ALG14: variants seen among roughly 807,000 people sequenced by gnomAD.
ALG14 encodes ALG14 UDP-N-acetylglucosaminyltransferase subunit, also known as UDP-N-acetylglucosamine transferase subunit ALG14.
A neutral mutation model predicts 22.8 loss-of-function variants in ALG14; 17 were observed. That is an observed-to-expected ratio of 0.75 (90% CI 0.51 to 1.12). The LOEUF is 1.12. ALG14 is among the 50% of genes most tolerant of loss of function. ALG14 has a pLI of 0.00. For missense variants in ALG14, 288 were observed against 271.8 expected (o/e 1.06, Z -0.42); for synonymous variants, 89 against 103.7 (o/e 0.86, Z 0.86).
In ALG14 at chr1:94,983,020, A is replaced by G. The variant is rs552681984; in HGVS notation, c.*56T>C. 3.9e-5 allele frequency: 57 copies of G among 1,479,510 alleles called. No homozygotes were observed. The African/African-American group carries it at 4.5e-4, about 12-fold the overall frequency. 91.6% of individuals were successfully genotyped at this position (1,479,510 alleles called of 1,614,324 possible). ...AACATGTAGGGTTTTTTTCCCCCCA[A>G]TTTGAGTACATACTACTGTTAACTG... is the stretch of plus-strand genomic sequence containing the variant. On this transcript the variant is annotated 3_prime_UTR_variant, in exon 4 of 4. Transcript: ENST00000370205.
At chr1:95,003,355 A>C (rs1673116773) in intron 3 of ALG14, among the ~76,000 whole-genome samples, 1 of 152,186 alleles carries the variant, frequency 6.6e-6, no homozygotes, top group African/African-American at 2.4e-5. Context: ...AGTCCAAAAC[A>C]CAGGGGTTTG....
chr1:95,013,742 C>T (rs1204964888), intron 3 of ALG14, among the ~76,000 whole-genome samples: 1 of 152,100 alleles, frequency 6.6e-6, no homozygotes, highest in Non-Finnish European at 1.5e-5. Flanking sequence ...AGAGGTCAAA[C>T]AATTACTTCA....
At chr1:95,013,085 G>A (rs532185299) in intron 3 of ALG14, among the ~76,000 whole-genome samples, 2 of 150,010 alleles carry the variant, frequency 1.3e-5, no homozygotes, top group South Asian at 2.1e-4. Context: ...GCAGTGAGCC[G>A]AGATTGTGCC....
intron 3 of ALG14, among the ~76,000 whole-genome samples, chr1:95,004,602 C>T (rs1673161124): frequency 6.6e-6 from 1 of 151,612 alleles, no homozygotes; most frequent in Admixed American, 6.6e-5. Flanking sequence ...TGGGTTCATG[C>T]CATTCTCCTG....
chr1:95,062,094 C>T (rs913625348), intron 2 of ALG14: 1 of 152,038 alleles, frequency 6.6e-6, no homozygotes, highest in Non-Finnish European at 1.5e-5. Flanking sequence ...GAAGAAACAG[C>T]AGTCATAGAT....
intron 2 of ALG14, among the ~76,000 whole-genome samples, chr1:95,044,277 T>C (rs1674474784): frequency 6.6e-6 from 1 of 152,188 alleles, no homozygotes; most frequent in Non-Finnish European, 1.5e-5. Context: ...TTTGGTGTAT[T>C]TGTAACACAG....
intron 3 of ALG14, among the ~76,000 whole-genome samples, chr1:95,026,077 C>G (rs1056188068): frequency 1.3e-5 from 2 of 152,100 alleles, no homozygotes; most frequent in Non-Finnish European, 2.9e-5. Flanking sequence ...GGACTACAGG[C>G]GCCCACCACC....
intron 1 of ALG14, among the ~76,000 whole-genome samples, chr1:95,070,993 G>A (rs115304379): frequency 0.011 from 1,698 of 152,112 alleles, 32 homozygotes; most frequent in African/African-American, 0.039. Flanking sequence ...CGCCTGTATC[G>A]GCCTCCCAAA....
At chr1:95,028,041 C>T (rs1253452989) in intron 2 of ALG14, among the ~76,000 whole-genome samples, 4 of 152,154 alleles carry the variant, frequency 2.6e-5, no homozygotes, top group African/African-American at 9.6e-5. Flanking sequence ...TGGAAGATAT[C>T]CCAAGACACG....
At chr1:95,002,301 T>G (rs1673090567) in intron 3 of ALG14, among the ~76,000 whole-genome samples, 1 of 150,532 alleles carries the variant, frequency 6.6e-6, no homozygotes, top group African/African-American at 2.5e-5. Flanking sequence ...AGCAGCAGCA[T>G]GGAACAGATC....
chr1:94,989,448 G>T (rs1672720402), intron 3 of ALG14, among the ~76,000 whole-genome samples: 1 of 152,186 alleles, frequency 6.6e-6, no homozygotes, highest in Admixed American at 6.5e-5. Context: ...CAGCAGAAGT[G>T]AGATACTCCT....
At chr1:94,997,895 T>C (rs965904767) in intron 3 of ALG14, among the ~76,000 whole-genome samples, 22 of 152,226 alleles carry the variant, frequency 1.4e-4, no homozygotes, top group African/African-American at 5.1e-4. Context: ...ACAGTGGCTC[T>C]TTTGACTGCA....
intron 3 of ALG14, among the ~76,000 whole-genome samples, chr1:95,000,777 TAAAAA>T (rs56810994): frequency 4.6e-5 from 3 of 65,232 alleles, no homozygotes; most frequent in South Asian, 5.1e-4. Flanking sequence ...TATGCCACAC[TAAAAA>T]AAAAAAAAAA....
Position 94,979,310 on chromosome 1 carries a change from A to AAAAAAAAAAAAAAAAAAAAAAAG in ALG14, c.*3765_*3766insCTTTTTTTTTTTTTTTTTTTTTT, listed in dbSNP as rs1553222994. On this transcript the variant is annotated 3_prime_UTR_variant, in exon 4 of 4. Coordinates refer to ENST00000370205, the MANE Select transcript of ALG14 (RefSeq NM_144988.4). The stretch of plus-strand genomic sequence containing the variant: ...GTCTCGAAAAAAAAAAAAAAAAAAA[A>AAAAAAAAAAAAAAAAAAAAAAAG]AAAAGAAAGAAAAAAGTGAAACAAG... The AAAAAAAAAAAAAAAAAAAAAAAG allele has an allele frequency of 2.2e-5, 2 of 89,840 alleles. No individual in the cohort carries two copies. Among genetic ancestry groups the AAAAAAAAAAAAAAAAAAAAAAAG allele is most frequent in the African/African-American group, 1.1e-4 (2 of 18,746 alleles). The allele number at this position is 89,840 out of a possible 1,614,324, so 5.6% of individuals were successfully genotyped here. A position where few individuals can be genotyped will look rare whatever the true frequency, so the allele number is the denominator to read the frequency against.
chr1:95,038,522 A>C (rs1362847233), intron 2 of ALG14, among the ~76,000 whole-genome samples: 2 of 151,730 alleles, frequency 1.3e-5, no homozygotes, highest in Non-Finnish European at 2.9e-5. Context: ...CAAAAACCCC[A>C]AAAAACAAAT....
chr1:95,065,043 G>A (rs1325255440), intron 1 of ALG14, 26 bp from the exon 2 acceptor site: 1 of 1,592,720 alleles, frequency 6.3e-7, no homozygotes, highest in Non-Finnish European at 8.6e-7. Context: ...GAAGTCCTAA[G>A]ATTAAGAAAC....
chr1:95,011,741 G>T (rs939860856), intron 3 of ALG14, among the ~76,000 whole-genome samples: 1 of 152,142 alleles, frequency 6.6e-6, no homozygotes, highest in African/African-American at 2.4e-5. Flanking sequence ...TTGTTAATAA[G>T]CACCCAGTTT....
intron 3 of ALG14, among the ~76,000 whole-genome samples, chr1:95,025,619 A>T (rs896182965): frequency 5.9e-5 from 9 of 152,186 alleles, no homozygotes; most frequent in Admixed American, 5.2e-4. Context: ...CAATTATCTT[A>T]ACTAGATTTT....
At chr1:95,044,536 T>A (rs1042770223) in intron 2 of ALG14, among the ~76,000 whole-genome samples, 3 of 152,166 alleles carry the variant, frequency 2.0e-5, no homozygotes, top group African/African-American at 7.2e-5. Flanking sequence ...TCTATGGCTT[T>A]TCCAGAGACT....
Sources: gnomAD v4.1 joint callset for allele counts (sites outside exome capture counted in the v4.1 genomes callset) on GRCh38, gnomAD v4.1.1 for gene constraint, MANE v1.5 for transcripts, NCBI Gene and HGNC (gene_info 2026-07-23, HGNC 2026-07-21) for gene names.